The following BLMH variants were observed in gnomAD, a reference collection of about 807,000 sequenced individuals.
BLMH encodes the protein bleomycin hydrolase, also known as BLM hydrolase.
In BLMH, 32 loss-of-function variants were observed where a neutral mutation model predicts 61.6. The ratio of observed to expected loss-of-function variants is 0.52; its 90% confidence interval spans 0.39 to 0.70. The LOEUF (loss-of-function observed/expected upper bound fraction) is 0.70. Among genes scored for constraint, BLMH ranks in the 30% least tolerant of loss-of-function variants. The pLI is 0.00. For synonymous variants in BLMH, 183 were observed against 193.8 expected, an observed-to-expected ratio of 0.94 and a Z score of 0.46; for missense variants, 460 against 555.5, an observed-to-expected ratio of 0.83 and a Z score of 1.73.
intron 4 of BLMH, among the ~76,000 whole-genome samples, 166 bp from the exon 5 acceptor site, chr17:30,287,068 CAG>C (rs1220819401): frequency 6.6e-6 from 1 of 152,030 alleles, no homozygotes; most frequent in Non-Finnish European, 1.5e-5. Context: ...TTGTTTTTGA[CAG>C]AGTTTTGCTC....
intron 11 of BLMH, among the ~76,000 whole-genome samples, chr17:30,255,789 C>T (rs1303376677): frequency 4.6e-5 from 7 of 152,056 alleles, no homozygotes; most frequent in Admixed American, 6.6e-5. Context: ...CCCAGTCACT[C>T]GGGAGGCTGA....
At position 30,281,947 on chromosome 17, in the gene BLMH, A is replaced by G. The variant is rs145288910; in HGVS notation, c.645+3441T>C. 4.3e-3 allele frequency among the ~76,000 whole-genome samples: 648 copies of G among 152,342 alleles called. 13 individuals are homozygous for G. The highest frequency in any genetic ancestry group is 0.039 in the Admixed American group (600 of 15,292). On this transcript the variant is annotated intron_variant, in intron 6 of 11. Coordinates refer to ENST00000261714, the MANE Select transcript of BLMH (RefSeq NM_000386.4). ...CTGGGACAAGTTAGGCCTATCCTAT[A>G]TATTGTTTTCAATAGCTGACAGCCA...
intron 11 of BLMH, among the ~76,000 whole-genome samples, chr17:30,258,112 T>G (rs1907863035): frequency 6.6e-6 from 1 of 151,890 alleles, no homozygotes. Context: ...AGACTATAGG[T>G]GCATACTACC....
At chr17:30,291,173 C>T (rs926187183) in intron 2 of BLMH, 138 bp downstream of exon 2, 1 of 1,080,154 alleles carries the variant, frequency 9.3e-7, no homozygotes. Context: ...CTTAGACCTG[C>T]CTGTACCTGT....
At chr17:30,269,405 T>A (rs1221354022) in intron 10 of BLMH, among the ~76,000 whole-genome samples, 1 of 152,084 alleles carries the variant, frequency 6.6e-6, no homozygotes, top group Non-Finnish European at 1.5e-5. Flanking sequence ...AGTCCTGAAC[T>A]CCTGACCTCA....
At chr17:30,258,650 T>C (rs1907879465) in intron 11 of BLMH, among the ~76,000 whole-genome samples, 1 of 152,178 alleles carries the variant, frequency 6.6e-6, no homozygotes, top group Non-Finnish European at 1.5e-5. Flanking sequence ...GGCTGACTTC[T>C]TTCTCTAGAC....
At chr17:30,276,767 A>G (rs1908436143) in intron 6 of BLMH, among the ~76,000 whole-genome samples, 1 of 152,232 alleles carries the variant, frequency 6.6e-6, no homozygotes, top group Non-Finnish European at 1.5e-5. Flanking sequence ...TCGTTTTTTA[A>G]AAACATACAT....
intron 11 of BLMH, among the ~76,000 whole-genome samples, chr17:30,256,544 G>A (rs1327859456): frequency 3.9e-5 from 6 of 152,218 alleles, no homozygotes; most frequent in Admixed American, 3.3e-4. Flanking sequence ...TGGCCAGGCT[G>A]GTCTCGAACT....
At chr17:30,286,656 T>A (rs1156941135) in intron 5 of BLMH, among the ~76,000 whole-genome samples, 158 bp downstream of exon 5, 2 of 152,240 alleles carry the variant, frequency 1.3e-5, no homozygotes, top group Non-Finnish European at 2.9e-5. Flanking sequence ...TAATTATTTT[T>A]AAAGTTATTA....
intron 6 of BLMH, among the ~76,000 whole-genome samples, chr17:30,274,963 A>T (rs964676642): frequency 4.0e-5 from 6 of 151,610 alleles, no homozygotes; most frequent in Admixed American, 2.6e-4. Context: ...TGGGTGACAG[A>T]GCAAGACCCT....
chr17:30,249,222 G>C (rs1471436978), intron 11 of BLMH, 54 bp from the exon 12 acceptor site: 2 of 1,577,562 alleles, frequency 1.3e-6, no homozygotes, highest in Non-Finnish European at 1.7e-6. Flanking sequence ...ACAAAGAGCA[G>C]AAACCCTTTT....
chr17:30,264,572 G>A (rs1908047380), intron 11 of BLMH, among the ~76,000 whole-genome samples: 1 of 152,212 alleles, frequency 6.6e-6, no homozygotes, highest in Non-Finnish European at 1.5e-5. Context: ...TTTTACAAGT[G>A]TTTATCCTCT....
At chr17:30,261,232 A>G (rs1381912419) in intron 11 of BLMH, among the ~76,000 whole-genome samples, 2 of 152,178 alleles carry the variant, frequency 1.3e-5, no homozygotes, top group African/African-American at 2.4e-5. Flanking sequence ...TTGAATTCCA[A>G]TTCTATCTCT....
intron 2 of BLMH, among the ~76,000 whole-genome samples, chr17:30,290,290 A>G (rs1908849140): frequency 6.6e-6 from 1 of 152,248 alleles, no homozygotes; most frequent in Non-Finnish European, 1.5e-5. Context: ...TGTAAAAGTG[A>G]CACTGCAAAA....
At chr17:30,288,600 G>A (rs1394639857) in intron 3 of BLMH, among the ~76,000 whole-genome samples, 2 of 152,078 alleles carry the variant, frequency 1.3e-5, no homozygotes, top group Non-Finnish European at 2.9e-5. Context: ...TCTCACCTCA[G>A]CCTCCCAAAG....
intron 11 of BLMH, among the ~76,000 whole-genome samples, chr17:30,254,281 C>A (rs1386388440): frequency 6.6e-6 from 1 of 152,200 alleles, no homozygotes; most frequent in Non-Finnish European, 1.5e-5. Context: ...CTCTGACGGT[C>A]TGTCTGGCAG....
At chr17:30,250,067 T>C (rs934576272) in intron 11 of BLMH, 2 of 152,186 alleles carry the variant, frequency 1.3e-5, no homozygotes, top group Non-Finnish European at 2.9e-5. Context: ...ATCTCTCACC[T>C]TACACAAAAA....
intron 11 of BLMH, among the ~76,000 whole-genome samples, chr17:30,265,910 A>G (rs1908090864): frequency 6.6e-6 from 1 of 152,222 alleles, no homozygotes; most frequent in African/African-American, 2.4e-5. Context: ...AAATTTTACA[A>G]TAATATACCC....
chr17:30,288,874 A>G (rs1476039964), intron 3 of BLMH, among the ~76,000 whole-genome samples: 1 of 152,048 alleles, frequency 6.6e-6, no homozygotes, highest in African/African-American at 2.4e-5. Flanking sequence ...GGCTGAGTTG[A>G]GAGGATGGCT....
Sources: gnomAD v4.1 joint callset for allele counts (sites outside exome capture counted in the v4.1 genomes callset) on GRCh38, gnomAD v4.1.1 for gene constraint, MANE v1.5 for transcripts, NCBI Gene and HGNC (gene_info 2026-07-23, HGNC 2026-07-21) for gene names.